DISC1: variants seen among roughly 807,000 people sequenced by gnomAD.
DISC1 encodes the protein DISC1 scaffold protein.
In DISC1, 57 loss-of-function variants were observed where a neutral mutation model predicts 84.5. That is an observed-to-expected ratio of 0.67 (90% CI 0.55 to 0.84). The LOEUF is 0.84. Among genes scored for constraint, DISC1 ranks in the 40% least tolerant of loss-of-function variants. DISC1 has a pLI of 0.00. For synonymous variants in DISC1, 411 were observed against 415.2 expected (o/e 0.99, Z 0.12); for missense variants, 1,000 against 1,057.8 (o/e 0.95, Z 0.76).
chr1:231,771,583 G>A (rs1313183614), intron 6 of DISC1: 1 of 985,246 alleles, frequency 1.0e-6, no homozygotes, highest in Non-Finnish European at 1.2e-6. Context: ...GACTCTATGA[G>A]TTACTTCGGT....
intron 9 of DISC1, among the ~76,000 whole-genome samples, chr1:231,883,937 A>G (rs2086478007): frequency 1.3e-5 from 2 of 152,114 alleles, no homozygotes; most frequent in South Asian, 2.1e-4. Context: ...CAGAATGCCA[A>G]CCAAAGATGG....
intron 8 of DISC1, among the ~76,000 whole-genome samples, chr1:231,804,101 A>G (rs190450115): frequency 6.6e-6 from 1 of 152,256 alleles, no homozygotes; most frequent in African/African-American, 2.4e-5. Flanking sequence ...TTTTACCCCA[A>G]AGGAGGAGTA....
intron 2 of DISC1, 27 bp from the exon 3 acceptor site, chr1:231,701,928 T>A (rs766004565): frequency 1.9e-5 from 29 of 1,562,658 alleles, no homozygotes; most frequent in Non-Finnish European, 2.5e-5. Context: ...TGTAATTTTT[T>A]ATTTTTTCCC....
chr1:231,651,514 G>T (rs1050519125), intron 1 of DISC1, among the ~76,000 whole-genome samples: 3 of 152,214 alleles, frequency 2.0e-5, no homozygotes, highest in Non-Finnish European at 4.4e-5. Context: ...CTACTTGGAG[G>T]TGTCTCTCAG....
At chr1:231,668,174 T>A (rs1324015670) in intron 1 of DISC1, among the ~76,000 whole-genome samples, 3 of 152,154 alleles carry the variant, frequency 2.0e-5, no homozygotes, top group Non-Finnish European at 4.4e-5. Context: ...ATTAAACATG[T>A]CCCTCAACTC....
chr1:231,833,937 TA>T (rs2082428258), intron 9 of DISC1, among the ~76,000 whole-genome samples: 3 of 152,200 alleles, frequency 2.0e-5, no homozygotes, highest in Non-Finnish European at 4.4e-5. Context: ...GATTGGGTAA[TA>T]AAATGTATTT....
At chr1:232,035,849 G>A (rs887442729) in intron 12 of DISC1, among the ~76,000 whole-genome samples, 1 of 152,272 alleles carries the variant, frequency 6.6e-6, no homozygotes. Flanking sequence ...ACATTCCCCT[G>A]CTTGAACACC....
At chr1:231,903,404 T>A (rs1161875608) in intron 9 of DISC1, among the ~76,000 whole-genome samples, 1 of 152,202 alleles carries the variant, frequency 6.6e-6, no homozygotes, top group Non-Finnish European at 1.5e-5. Flanking sequence ...AAAGAGCCTA[T>A]AAGACTGTAG....
intron 3 of DISC1, among the ~76,000 whole-genome samples, chr1:231,719,550 TTTC>T (rs2069311760): frequency 2.0e-5 from 3 of 152,336 alleles, no homozygotes; most frequent in African/African-American, 7.2e-5. Context: ...AGCTTTATTT[TTTC>T]TATCTATAAA....
At chr1:232,024,211 C>G (rs933287024) in intron 11 of DISC1, among the ~76,000 whole-genome samples, 2 of 152,020 alleles carry the variant, frequency 1.3e-5, no homozygotes, top group African/African-American at 2.4e-5. Context: ...ATGTTATTGC[C>G]ACTAGATTTC....
intron 1 of DISC1, among the ~76,000 whole-genome samples, chr1:231,646,559 A>G (rs2060152531): frequency 6.6e-6 from 1 of 152,170 alleles, no homozygotes; most frequent in Non-Finnish European, 1.5e-5. Flanking sequence ...TTTTTGGGGC[A>G]ATTTAGATCG....
At chr1:231,969,136 A>G (rs113172787) in intron 10 of DISC1, among the ~76,000 whole-genome samples, 18 of 144,268 alleles carry the variant, frequency 1.2e-4, no homozygotes, top group African/African-American at 4.7e-4. Flanking sequence ...TGTAGCTAAT[A>G]CCCTCCATTA....
At chr1:231,874,655 T>C (rs145957622) in intron 9 of DISC1, among the ~76,000 whole-genome samples, 1,794 of 151,942 alleles carry the variant, frequency 0.012, 47 homozygotes, top group African/African-American at 0.041. Flanking sequence ...CTCACGCCTG[T>C]AATCCCAGCA....
intron 3 of DISC1, among the ~76,000 whole-genome samples, chr1:231,704,915 A>G (rs975844774): frequency 6.6e-6 from 1 of 152,114 alleles, no homozygotes; most frequent in Admixed American, 6.5e-5. Flanking sequence ...AATCACAACA[A>G]CGCCGTGTTT....
At chr1:232,033,739 C>G (rs965598556) in intron 12 of DISC1, among the ~76,000 whole-genome samples, 1 of 152,116 alleles carries the variant, frequency 6.6e-6, no homozygotes, top group Non-Finnish European at 1.5e-5. Context: ...TTCATTTCTC[C>G]CAACTGCTTA....
chr1:231,801,543 C>G (rs1043554175), intron 8 of DISC1, among the ~76,000 whole-genome samples: 2 of 152,164 alleles, frequency 1.3e-5, no homozygotes, highest in African/African-American at 4.8e-5. Flanking sequence ...ATTGGTGAGG[C>G]CTGATCTGCT....
At chr1:231,680,525 C>A (rs2063586789) in intron 1 of DISC1, among the ~76,000 whole-genome samples, 1 of 152,110 alleles carries the variant, frequency 6.6e-6, no homozygotes, top group South Asian at 2.1e-4. Context: ...CAGTGCACTA[C>A]ATTCCAATAC....
chr1:231,641,461 C>T (rs2125182196), intron 1 of DISC1, among the ~76,000 whole-genome samples: 1 of 152,288 alleles, frequency 6.6e-6, no homozygotes, highest in Non-Finnish European at 1.5e-5. Context: ...AGTGAAGCTG[C>T]AGACCTTCGT....
intron 1 of DISC1, among the ~76,000 whole-genome samples, chr1:231,638,750 C>T (rs1422267798): frequency 2.0e-5 from 3 of 152,072 alleles, no homozygotes; most frequent in Admixed American, 1.3e-4. Flanking sequence ...TGTGTTTACT[C>T]GTTATTCTCT....
Sources: gnomAD v4.1 joint callset for allele counts (sites outside exome capture counted in the v4.1 genomes callset) on GRCh38, gnomAD v4.1.1 for gene constraint, MANE v1.5 for transcripts, NCBI Gene and HGNC (gene_info 2026-07-23, HGNC 2026-07-21) for gene names.